Variants in C7orf57 observed in about 807,000 individuals in gnomAD.
C7orf57 encodes the protein chromosome 7 open reading frame 57, also known as uncharacterized protein C7orf57.
C7orf57 carries 33 observed loss-of-function variants against 39.0 expected under a neutral mutation model. That is an observed-to-expected ratio of 0.85 (90% confidence interval 0.64 to 1.13). The LOEUF (loss-of-function observed/expected upper bound fraction) is 1.13. C7orf57 is among the 50% of genes most tolerant of loss of function. The pLI is 0.00. For missense variants in C7orf57, 346 were observed against 362.3 expected, an observed-to-expected ratio of 0.95 and a Z score of 0.37; for synonymous variants, 124 against 137.1, an observed-to-expected ratio of 0.90 and a Z score of 0.67.
chr7:48,051,855 CTT>C lies in C7orf57; in HGVS notation c.606-843_606-842del, dbSNP rs1790943926. ...TCTTTCTTTCTTTCTTTCTTTCTTT[CTT>C]TCTTTCTTTCTTTCTCTTTCTCTTT... is the stretch of plus-strand genomic sequence containing the variant. On this transcript the variant is annotated intron_variant, in intron 6 of 8. Transcript: ENST00000348904. Among the ~76,000 whole-genome samples, 3 of 70,068 alleles carry C rather than the reference CTT, an allele frequency of 4.3e-5. 1 individual carries two copies. Among genetic ancestry groups the C allele is most frequent in the South Asian group, 4.6e-4 (1 of 2,178 alleles). 46.0% of individuals were successfully genotyped at this position (70,068 alleles called of 152,430 possible). A position where few individuals can be genotyped will look rare whatever the true frequency, so the allele number is the denominator to read the frequency against.
At chr7:48,038,124 C>A (rs1046709350) in intron 2 of C7orf57, among the ~76,000 whole-genome samples, 1 of 151,946 alleles carries the variant, frequency 6.6e-6, no homozygotes, top group African/African-American at 2.4e-5. Context: ...CAATTTTTTT[C>A]TTTCCTTTTC....
At chr7:48,059,229 C>A (rs1791218652) in intron 8 of C7orf57, among the ~76,000 whole-genome samples, 2 of 152,090 alleles carry the variant, frequency 1.3e-5, no homozygotes, top group South Asian at 4.2e-4. Flanking sequence ...CCCTGCTGTC[C>A]CTCATGGTTT....
intron 8 of C7orf57, among the ~76,000 whole-genome samples, chr7:48,059,011 G>C (rs1374488443): frequency 1.3e-5 from 2 of 152,186 alleles, no homozygotes; most frequent in East Asian, 3.8e-4. Context: ...CTAAGAGCTG[G>C]AAGAATCGTC....
intron 2 of C7orf57, among the ~76,000 whole-genome samples, chr7:48,040,127 T>G (rs962560066): frequency 6.6e-6 from 1 of 152,158 alleles, no homozygotes; most frequent in African/African-American, 2.4e-5. Context: ...AAACTCCCAG[T>G]AGGACTCCAG....
Position 48,060,505 on chromosome 7 carries a change from T to C in C7orf57, c.*233T>C, listed in dbSNP as rs1791262069. ...GGCTAACAAACACAACTAAGGCCTC[T>C]GGTACCCTCTGCCCTGCTGGCCTGG... On this transcript the variant is annotated 3_prime_UTR_variant, in exon 9 of 9. Coordinates refer to ENST00000348904, the MANE Select transcript of C7orf57 (RefSeq NM_001100159.3). 1 of 383,592 alleles carries C rather than the reference T, an allele frequency of 2.6e-6. No homozygotes were observed. The allele number at this position is 383,592 out of a possible 1,614,324, so 23.8% of individuals were successfully genotyped here.
intron 7 of C7orf57, among the ~76,000 whole-genome samples, chr7:48,054,388 T>C (rs1583822402): frequency 1.6e-5 from 2 of 124,880 alleles, no homozygotes; most frequent in South Asian, 4.9e-4. Context: ...CACTCCAGCC[T>C]GGGCAACAAG....
In C7orf57 at chr7:48,035,655, A is replaced by C. The variant is rs1175654272; in HGVS notation, c.-102+25A>C. The C allele has an allele frequency of 1.7e-5, 11 of 651,466 alleles. No homozygotes were observed. The highest frequency in any genetic ancestry group is 3.1e-5 in the Non-Finnish European group (11 of 359,846). The allele number at this position is 651,466 out of a possible 1,614,324, so 40.4% of individuals were successfully genotyped here. A position where few individuals can be genotyped will look rare whatever the true frequency, so the allele number is the denominator to read the frequency against. On this transcript the variant is annotated intron_variant, in intron 1 of 8. Coordinates refer to ENST00000348904, the MANE Select transcript of C7orf57 (RefSeq NM_001100159.3). This position sits in a 1 kb window ranked among gnomAD's most constrained non-coding sequence, Gnocchi z 4.0. ...GGTGAGCCTGAGCGGGCTGGAGGAC[A>C]ATGGGGGCGCCCACTGTGGTCCCGG...
intron 2 of C7orf57, among the ~76,000 whole-genome samples, chr7:48,036,956 G>GAA (rs1301279984): frequency 6.6e-6 from 1 of 151,254 alleles, no homozygotes; most frequent in Non-Finnish European, 1.5e-5. Context: ...TTTTGCTATT[G>GAA]CTTTTTTATT....
In C7orf57 at chr7:48,060,738, A is replaced by C. The variant is rs1000860079; in HGVS notation, c.*466A>C. The C allele has an allele frequency of 1.3e-5, 2 of 152,384 alleles. No individual in the cohort carries two copies. Among genetic ancestry groups the C allele is most frequent in the Admixed American group, 1.3e-4 (2 of 15,294 alleles). 9.4% of individuals were successfully genotyped at this position (152,384 alleles called of 1,614,324 possible). On this transcript the variant is annotated 3_prime_UTR_variant, in exon 9 of 9. Transcript: ENST00000348904. Reference sequence around the variant, plus strand: ...GAATATGGTGATACAGTTTATGTTAAGAAACATATTTTAATTTATTATGCC... The same window carrying C: ...GAATATGGTGATACAGTTTATGTTACGAAACATATTTTAATTTATTATGCC...
rs994544791 is a variant in C7orf57 at position 48,035,603 on chromosome 7, A to G, written c.-129A>G. The G allele has an allele frequency of 1.4e-6, 1 of 693,406 alleles. No individual in the cohort carries two copies. The highest frequency in any genetic ancestry group is 1.8e-5 in the African/African-American group (1 of 55,968). 43.0% of individuals were successfully genotyped at this position (693,406 alleles called of 1,614,324 possible). A position where few individuals can be genotyped will look rare whatever the true frequency, so the allele number is the denominator to read the frequency against. On this transcript the variant is annotated 5_prime_UTR_variant, in exon 1 of 9. Coordinates refer to ENST00000348904, the MANE Select transcript of C7orf57 (RefSeq NM_001100159.3). The surrounding 1 kb of genome is among the most constrained non-coding windows in gnomAD (Gnocchi z 4.0). ...AACTCCAACGCCGGGCGCCGCGGGC[A>G]GCACCCACGGAGACCCGCGGGGAGC...
rs1791273051 is a variant in C7orf57, at chr7:48,060,985, T to C, written c.*713T>C. On this transcript the variant is annotated 3_prime_UTR_variant, in exon 9 of 9. Transcript: ENST00000348904. ...TTTTATAAATGTTAAATTGTTTATA[T>C]TTAAGTAATTAGCTTAAAAATATAG... 2 of 152,154 alleles carry C rather than the reference T, an allele frequency of 1.3e-5. No individual in the cohort carries two copies. Among genetic ancestry groups the C allele is most frequent in the Admixed American group, 1.3e-4 (2 of 15,282 alleles). 9.4% of individuals were successfully genotyped at this position (152,154 alleles called of 1,614,324 possible). A position where few individuals can be genotyped will look rare whatever the true frequency, so the allele number is the denominator to read the frequency against.
chr7:48,047,316 T>G (rs1372723963), intron 5 of C7orf57, among the ~76,000 whole-genome samples: 1 of 152,166 alleles, frequency 6.6e-6, no homozygotes, highest in Non-Finnish European at 1.5e-5. Flanking sequence ...ACTTCAGGGT[T>G]TGTGAGTGAA....
chr7:48,046,370 GA>G, intron 4 of C7orf57, 89 bp from the exon 5 acceptor site: 1 of 1,244,206 alleles, frequency 8.0e-7, no homozygotes, highest in Non-Finnish European at 1.1e-6. Context: ...AGGAGGGAGG[GA>G]AAGGGAGAGC....
At chr7:48,059,134 C>G (rs963020302) in intron 8 of C7orf57, among the ~76,000 whole-genome samples, 1 of 152,164 alleles carries the variant, frequency 6.6e-6, no homozygotes, top group Admixed American at 6.5e-5. Context: ...AGTGCTAGAG[C>G]TTTTGACAAC....
intron 6 of C7orf57, among the ~76,000 whole-genome samples, chr7:48,051,646 CCCTT>C (rs1420318811): frequency 2.0e-5 from 3 of 149,656 alleles, no homozygotes; most frequent in Non-Finnish European, 4.5e-5. Flanking sequence ...CTCCCTCCCT[CCCTT>C]CCTCCCTTCC....
At chr7:48,043,345 G>C (rs1422437635) in intron 3 of C7orf57, 136 bp from the exon 4 acceptor site, 39 of 659,116 alleles carry the variant, frequency 5.9e-5, no homozygotes, top group Non-Finnish European at 9.6e-5. Flanking sequence ...GGGATGCTCT[G>C]TTAGTCCCTG....
chr7:48,039,521 A>T (rs1241061938), intron 2 of C7orf57, among the ~76,000 whole-genome samples: 1 of 151,918 alleles, frequency 6.6e-6, no homozygotes, highest in African/African-American at 2.4e-5. Context: ...GGGGGCTTAG[A>T]AGTTTATTTT....
intron 7 of C7orf57, 44 bp from the exon 8 acceptor site, chr7:48,054,551 A>T (rs764369369): frequency 2.6e-5 from 39 of 1,489,860 alleles, no homozygotes; most frequent in Non-Finnish European, 3.5e-5. Context: ...TTAATACTTG[A>T]TCTGTTTCAT....
At position 48,060,504 on chromosome 7, in the gene C7orf57, C is replaced by T. The variant is rs1791261977; in HGVS notation, c.*232C>T. 2.6e-6 allele frequency: 1 copy of T among 383,392 alleles called. No homozygotes were observed. Among genetic ancestry groups the T allele is most frequent in the Non-Finnish European group, 4.9e-6 (1 of 204,464 alleles). 23.7% of individuals were successfully genotyped at this position (383,392 alleles called of 1,614,324 possible). A position where few individuals can be genotyped will look rare whatever the true frequency, so the allele number is the denominator to read the frequency against. On this transcript the variant is annotated 3_prime_UTR_variant, in exon 9 of 9. Transcript: ENST00000348904. ...TGGCTAACAAACACAACTAAGGCCT[C>T]TGGTACCCTCTGCCCTGCTGGCCTG...
Sources: allele counts gnomAD v4.1 joint callset (sites outside exome capture counted in the v4.1 genomes callset), GRCh38; gene constraint gnomAD v4.1.1; non-coding constraint Gnocchi (gnomAD v3.1); transcripts MANE v1.5; gene names NCBI Gene and HGNC (gene_info 2026-07-23, HGNC 2026-07-21).